The following JAK2 variants were observed in gnomAD, a reference collection of about 807,000 sequenced individuals.
The protein encoded by JAK2 is Janus kinase 2.
A neutral mutation model predicts 139.3 loss-of-function variants in JAK2; 86 were observed. The ratio of observed to expected loss-of-function variants is 0.62; its 90% CI spans 0.52 to 0.74. JAK2 has a LOEUF of 0.74. Among genes scored for constraint, JAK2 ranks in the 30% least tolerant of loss-of-function variants. The pLI, the probability that JAK2 is intolerant of heterozygous loss-of-function variation, is 0.00. For synonymous variants in JAK2, 490 were observed against 437.7 expected (o/e 1.12, Z -1.49); for missense variants, 1,421 against 1,360.3 (o/e 1.04, Z -0.70).
intron 8 of JAK2, among the ~76,000 whole-genome samples, chr9:5,062,914 ATTT>A (rs1435507336): frequency 1.3e-5 from 2 of 151,814 alleles, no homozygotes; most frequent in Non-Finnish European, 2.9e-5. Flanking sequence ...TTCTTTTTTT[ATTT>A]TTAATTGTTT....
chr9:5,092,768 T>G (rs1820685506), intron 22 of JAK2, among the ~76,000 whole-genome samples: 1 of 152,186 alleles, frequency 6.6e-6, no homozygotes, highest in Non-Finnish European at 1.5e-5. Flanking sequence ...GGAAGATTCA[T>G]GAGTAGTGGT....
chr9:5,063,076 A>G (rs1471080643), intron 8 of JAK2, among the ~76,000 whole-genome samples: 1 of 152,048 alleles, frequency 6.6e-6, no homozygotes, highest in Non-Finnish European at 1.5e-5. Flanking sequence ...TTATAGTTCA[A>G]ACATGTCACA....
At chr9:5,083,303 A>G (rs979700819) in intron 19 of JAK2, among the ~76,000 whole-genome samples, 3 of 152,202 alleles carry the variant, frequency 2.0e-5, no homozygotes, top group Admixed American at 1.3e-4. Context: ...TATAACCTAC[A>G]TATTATAAGT....
In JAK2 at chr9:5,090,817, A is replaced by G; in HGVS notation, c.2965A>G (p.Arg989Gly). ...TRNILVENEN[R>G]VKIGDFGLTK... is the part of the protein sequence containing the mutation. ...AAATATATTGGTGGAGAACGAGAAC[A>G]GAGTTAAAATTGGAGATTTTGGGTT... The change falls in exon 22 of 25, where the codon AGA (arginine) becomes GGA (glycine). Residue 989 changes from arginine to glycine, a missense_variant. Coordinates refer to ENST00000381652, the MANE Select transcript of JAK2 (RefSeq NM_004972.4). 1 of 1,613,602 alleles carries G rather than the reference A, an allele frequency of 6.2e-7. No individual in the cohort carries two copies. Among genetic ancestry groups the G allele is most frequent in the Non-Finnish European group, 8.5e-7 (1 of 1,179,640 alleles).
At chr9:5,117,069 G>A (rs1359948758) in intron 22 of JAK2, among the ~76,000 whole-genome samples, 1 of 152,182 alleles carries the variant, frequency 6.6e-6, no homozygotes, top group Non-Finnish European at 1.5e-5. Context: ...TTTCATCCAT[G>A]TGAGGACACG....
At chr9:5,071,577 G>A (rs1396092759) in intron 12 of JAK2, among the ~76,000 whole-genome samples, 1 of 152,164 alleles carries the variant, frequency 6.6e-6, no homozygotes, top group Non-Finnish European at 1.5e-5. Context: ...GAGAGATGTA[G>A]TGAACCTCAA....
At chr9:4,993,836 T>G (rs1417414659) in intron 2 of JAK2, among the ~76,000 whole-genome samples, 1 of 152,238 alleles carries the variant, frequency 6.6e-6, no homozygotes, top group African/African-American at 2.4e-5. Flanking sequence ...GTGTGGAGTT[T>G]GGACATTCTC....
intron 5 of JAK2, among the ~76,000 whole-genome samples, chr9:5,049,465 A>G (rs572207663): frequency 2.0e-5 from 3 of 152,044 alleles, no homozygotes; most frequent in Non-Finnish European, 4.4e-5. Flanking sequence ...TCCATCATAC[A>G]TTTCTTTATT....
chr9:5,082,835 C>A (rs1042614257), intron 19 of JAK2, among the ~76,000 whole-genome samples: 4 of 152,216 alleles, frequency 2.6e-5, no homozygotes, highest in African/African-American at 9.7e-5. Flanking sequence ...ACCTTGATTC[C>A]ATACAACACA....
At chr9:4,992,808 A>G (rs1371622109) in intron 2 of JAK2, among the ~76,000 whole-genome samples, 1 of 152,214 alleles carries the variant, frequency 6.6e-6, no homozygotes, top group Non-Finnish European at 1.5e-5. Context: ...GAAGCATGCA[A>G]GGTAGGCACA....
chr9:5,087,192 T>TTGAC (rs1820192200), intron 19 of JAK2, among the ~76,000 whole-genome samples: 1 of 152,226 alleles, frequency 6.6e-6, no homozygotes. Context: ...AGAGGTTTAA[T>TTGAC]TGACTGACAG....
chr9:5,082,160 C>G (rs1431741627), intron 19 of JAK2, among the ~76,000 whole-genome samples: 2 of 152,300 alleles, frequency 1.3e-5, no homozygotes, highest in Middle Eastern at 3.4e-3. Flanking sequence ...GGGACCAGTG[C>G]TCAGCATATG....
At chr9:5,111,318 C>T in intron 22 of JAK2, 2 of 448,570 alleles carry the variant, frequency 4.5e-6, no homozygotes, top group South Asian at 1.9e-5. Context: ...CAGCCCCGGA[C>T]CCCTGTCCCC....
At chr9:5,118,770 G>A (rs1451731604) in intron 22 of JAK2, among the ~76,000 whole-genome samples, 1 of 152,050 alleles carries the variant, frequency 6.6e-6, no homozygotes, top group Non-Finnish European at 1.5e-5. Flanking sequence ...CAGGAAAAAA[G>A]TACAGTAATA....
intron 2 of JAK2, among the ~76,000 whole-genome samples, chr9:4,998,450 T>A (rs1820723560): frequency 6.6e-6 from 1 of 151,876 alleles, no homozygotes; most frequent in Admixed American, 6.6e-5. Flanking sequence ...AGAGACGGGG[T>A]TTCACCATGT....
At position 5,022,178 on chromosome 9, in the gene JAK2, C is replaced by T; in HGVS notation, c.191C>T (p.Ala64Val). ...ACCTTTCCATCTGGGGAGTATGTTG[C>T]AGAAGAAATCTGTATTGCTGCTTCT... Reference protein sequence around the residue: ...YLTFPSGEYVAEEICIAASKA... With the variant: ...YLTFPSGEYVVEEICIAASKA... The change falls in exon 3 of 25, where the codon GCA (alanine) becomes GTA (valine). Residue 64 changes from alanine (A) to valine (V), a missense_variant. Ala to Val is a moderately conservative substitution (Grantham distance 64). Coordinates refer to ENST00000381652, the MANE Select transcript of JAK2 (RefSeq NM_004972.4). 2 of 1,614,044 alleles carry T rather than the reference C, an allele frequency of 1.2e-6. No individual in the cohort carries two copies. Among genetic ancestry groups the T allele is most frequent in the Non-Finnish European group, 1.7e-6 (2 of 1,179,946 alleles).
chr9:5,033,176 T>C (rs949657289), intron 4 of JAK2, among the ~76,000 whole-genome samples: 1 of 151,854 alleles, frequency 6.6e-6, no homozygotes, highest in African/African-American at 2.4e-5. Context: ...TGAAATGAAG[T>C]GAGAAGAGAA....
intron 19 of JAK2, chr9:5,085,521 C>A: frequency 1.4e-6 from 1 of 717,404 alleles, no homozygotes; most frequent in Non-Finnish European, 2.6e-6. Flanking sequence ...ATTCACCACA[C>A]ACCAAATCTT....
At chr9:4,986,844 A>G (rs138600738) in intron 2 of JAK2, among the ~76,000 whole-genome samples, 1 of 152,266 alleles carries the variant, frequency 6.6e-6, no homozygotes, top group African/African-American at 2.4e-5. Context: ...GCATGAAACA[A>G]AGTTTGTATT....
Sources: allele counts gnomAD v4.1 joint callset (sites outside exome capture counted in the v4.1 genomes callset), GRCh38; gene constraint gnomAD v4.1.1; transcripts MANE v1.5; gene names NCBI Gene and HGNC (gene_info 2026-07-23, HGNC 2026-07-21).